SPAG16: variants seen among roughly 807,000 people sequenced by gnomAD.
SPAG16 encodes the protein sperm associated antigen 16, also known as sperm-associated antigen 16 protein.
Under a neutral mutation model 80.4 loss-of-function variants are expected in SPAG16, and 86 were observed. The ratio of observed to expected loss-of-function variants is 1.07; its 90% CI spans 0.90 to 1.28. The LOEUF (loss-of-function observed/expected upper bound fraction) is 1.28, where lower values mean the gene tolerates loss of function less well. Ranked by LOEUF, SPAG16 falls within the 50% of genes most tolerant of loss-of-function variation. SPAG16 has a pLI of 0.00. For synonymous variants in SPAG16, 294 were observed against 265.9 expected (o/e 1.11, Z -1.03); for missense variants, 870 against 765.3 (o/e 1.14, Z -1.61).
chr2:213,909,579 T>C (rs887413746), intron 11 of SPAG16, among the ~76,000 whole-genome samples: 4 of 151,952 alleles, frequency 2.6e-5, no homozygotes, highest in African/African-American at 9.7e-5. Context: ...GCCGCATATC[T>C]ACAACTATCT....
In SPAG16 at chr2:213,643,402, ATATATATATT is replaced by A. The variant is rs2062697048; in HGVS notation, c.1070+153314_1070+153323del. Among the ~76,000 whole-genome samples, 10 of 46,798 alleles carry A rather than the reference ATATATATATT, an allele frequency of 2.1e-4. 1 individual carries two copies. The highest frequency in any genetic ancestry group is 1.6e-3 in the Admixed American group (5 of 3,136). 30.7% of individuals were successfully genotyped at this position (46,798 alleles called of 152,430 possible). A position where few individuals can be genotyped will look rare whatever the true frequency, so the allele number is the denominator to read the frequency against. Reference sequence around the variant, plus strand: ...TATATATATATATATATATATATATATATATATATTTTATCTCTTGCTGCTGTTATGATCC... The same window carrying A: ...TATATATATATATATATATATATATATTATCTCTTGCTGCTGTTATGATCC... On this transcript the variant is annotated intron_variant, in intron 10 of 15. Transcript: ENST00000331683.
At chr2:214,270,889 T>C (rs542432073) in intron 15 of SPAG16, among the ~76,000 whole-genome samples, 2 of 152,308 alleles carry the variant, frequency 1.3e-5, no homozygotes, top group African/African-American at 4.8e-5. Context: ...AATGATCATA[T>C]TCAGTAGCTG....
At chr2:213,449,075 A>G (rs1321392432) in intron 9 of SPAG16, among the ~76,000 whole-genome samples, 1 of 152,086 alleles carries the variant, frequency 6.6e-6, no homozygotes, top group Non-Finnish European at 1.5e-5. Context: ...TGGGAAACGA[A>G]TGTGTTCCTG....
At chr2:213,610,471 C>G (rs909530761) in intron 10 of SPAG16, among the ~76,000 whole-genome samples, 3 of 152,190 alleles carry the variant, frequency 2.0e-5, no homozygotes, top group Non-Finnish European at 4.4e-5. Flanking sequence ...CTTTTGCTGG[C>G]CAGACCTCCT....
chr2:213,702,564 G>T (rs1449141647), intron 10 of SPAG16, among the ~76,000 whole-genome samples: 1 of 152,122 alleles, frequency 6.6e-6, no homozygotes, highest in Non-Finnish European at 1.5e-5. Context: ...GCGAGACCAA[G>T]AACCCACCAG....
At chr2:213,757,674 T>G (rs1213662494) in intron 10 of SPAG16, among the ~76,000 whole-genome samples, 1 of 152,166 alleles carries the variant, frequency 6.6e-6, no homozygotes, top group African/African-American at 2.4e-5. Context: ...ATTTCAGCAC[T>G]TAACCACAGT....
chr2:214,278,503 A>G (rs999528037), intron 15 of SPAG16, among the ~76,000 whole-genome samples: 5 of 152,178 alleles, frequency 3.3e-5, no homozygotes, highest in Non-Finnish European at 5.9e-5. Flanking sequence ...TATTTTGTCT[A>G]GGTGGAGGAA....
intron 15 of SPAG16, among the ~76,000 whole-genome samples, chr2:214,402,351 A>G (rs192223605): frequency 6.6e-6 from 1 of 152,134 alleles, no homozygotes; most frequent in African/African-American, 2.4e-5. Context: ...AGGAATTTTC[A>G]TATTGACAAC....
intron 15 of SPAG16, among the ~76,000 whole-genome samples, chr2:214,337,237 A>T (rs1697362868): frequency 6.6e-6 from 1 of 152,126 alleles, no homozygotes; most frequent in South Asian, 2.1e-4. Context: ...CCATTTAAAG[A>T]AAAAAAGAGA....
chr2:213,918,555 T>C (rs528941839), intron 11 of SPAG16, among the ~76,000 whole-genome samples: 229 of 152,258 alleles, frequency 1.5e-3, no homozygotes, highest in African/African-American at 5.3e-3. Context: ...TGTTCTTTTG[T>C]TAGTGAATAA....
At position 214,058,338 on chromosome 2, in the gene SPAG16, A is replaced by G. The variant is rs563329079; in HGVS notation, c.1527+44261A>G. On this transcript the variant is annotated intron_variant, in intron 13 of 15. Coordinates refer to ENST00000331683, the MANE Select transcript of SPAG16 (RefSeq NM_024532.5). ...TCAATGCCGTTGTCTCTCAGTGAAT[A>G]GAAAGTCCCAAGGAGAGGGAAGAGA... 1.4e-4 allele frequency among the ~76,000 whole-genome samples: 21 copies of G among 152,286 alleles called. No individual in the cohort carries two copies. The South Asian group carries it at 4.4e-3, about 32-fold the overall frequency.
intron 15 of SPAG16, among the ~76,000 whole-genome samples, chr2:214,244,358 C>A (rs1187418104): frequency 6.7e-6 from 1 of 149,066 alleles, no homozygotes; most frequent in East Asian, 2.0e-4. Flanking sequence ...TCAGCTCACT[C>A]AGCATGTGAC....
At chr2:214,139,306 A>G (rs1203207000) in intron 14 of SPAG16, among the ~76,000 whole-genome samples, 7 of 152,042 alleles carry the variant, frequency 4.6e-5, no homozygotes, top group Admixed American at 2.6e-4. Flanking sequence ...AATCTCTACC[A>G]TATTTTTAAT....
At chr2:213,441,290 C>T (rs910615726) in intron 9 of SPAG16, among the ~76,000 whole-genome samples, 2 of 152,102 alleles carry the variant, frequency 1.3e-5, no homozygotes, top group African/African-American at 2.4e-5. Flanking sequence ...TATTAATTTA[C>T]AATGATATGT....
intron 10 of SPAG16, among the ~76,000 whole-genome samples, chr2:213,658,697 T>C (rs1377042310): frequency 1.3e-5 from 2 of 152,190 alleles, no homozygotes; most frequent in Non-Finnish European, 2.9e-5. Flanking sequence ...CCAGGAACTA[T>C]GTCTCTAGAG....
chr2:213,878,565 G>C (rs1214872047), intron 11 of SPAG16, among the ~76,000 whole-genome samples: 1 of 152,052 alleles, frequency 6.6e-6, no homozygotes, highest in East Asian at 1.9e-4. Flanking sequence ...TACCCTGTCA[G>C]ATACATAGTT....
chr2:213,369,165 G>C (rs1378818833), intron 8 of SPAG16, among the ~76,000 whole-genome samples: 4 of 152,110 alleles, frequency 2.6e-5, no homozygotes, highest in African/African-American at 9.7e-5. Context: ...TTAAGATGCA[G>C]GCAAGCTCGG....
At chr2:214,177,916 C>CGTAT (rs1553519942) in intron 15 of SPAG16, among the ~76,000 whole-genome samples, 1 of 92,204 alleles carries the variant, frequency 1.1e-5, no homozygotes, top group African/African-American at 4.6e-5. Flanking sequence ...TATATATATA[C>CGTAT]ATATATATAT....
rs374950820 is a variant in SPAG16 at position 213,406,439 on chromosome 2, G to A, written c.942+31320G>A. Among the ~76,000 whole-genome samples, 28 of 152,238 alleles carry A rather than the reference G, an allele frequency of 1.8e-4. No homozygotes were observed. In the East Asian group the frequency reaches 3.9e-3, roughly 21 times the overall value. ...ATAGTTGTGTATATATACTAATTGA[G>A]AGCCAAGGTGATGTCATTATTTTAT... On this transcript the variant is annotated intron_variant, in intron 9 of 15. Coordinates refer to ENST00000331683, the MANE Select transcript of SPAG16 (RefSeq NM_024532.5).
Sources: gnomAD v4.1 joint callset for allele counts (sites outside exome capture counted in the v4.1 genomes callset) on GRCh38, gnomAD v4.1.1 for gene constraint, MANE v1.5 for transcripts, NCBI Gene and HGNC (gene_info 2026-07-23, HGNC 2026-07-21) for gene names.